ADARB1: variants seen among roughly 807,000 people sequenced by gnomAD.
The protein encoded by ADARB1 is double-stranded RNA-specific editase 1.
ADARB1 carries 10 observed loss-of-function variants against 52.4 expected under a neutral mutation model. The ratio of observed to expected loss-of-function variants is 0.19; its 90% CI spans 0.12 to 0.32. ADARB1 has a LOEUF of 0.32. Ranked by LOEUF, ADARB1 falls within the 10% of genes least tolerant of loss-of-function variation. ADARB1 has a pLI of 1.00. For missense variants in ADARB1, 643 were observed against 922.3 expected, an observed-to-expected ratio of 0.70 and a Z score of 3.92; for synonymous variants, 349 against 371.1, an observed-to-expected ratio of 0.94 and a Z score of 0.68.
At chr21:45,075,332 C>CGG (rs1444246161) in intron 1 of ADARB1, among the ~76,000 whole-genome samples, 1 of 150,872 alleles carries the variant, frequency 6.6e-6, no homozygotes, top group Non-Finnish European at 1.5e-5. Flanking sequence ...GACGCTGCGC[C>CGG]GGGGGACGGC....
chr21:45,113,358 G>A (rs2087638716), intron 1 of ADARB1, among the ~76,000 whole-genome samples: 1 of 152,106 alleles, frequency 6.6e-6, no homozygotes, highest in South Asian at 2.1e-4. Context: ...AGGAGGTGGA[G>A]GTTGCAGTGA....
At chr21:45,146,688 G>A (rs185178674) in intron 2 of ADARB1, among the ~76,000 whole-genome samples, 4 of 152,354 alleles carry the variant, frequency 2.6e-5, no homozygotes, top group African/African-American at 9.6e-5. Context: ...GAAAACGTGA[G>A]TGTGTCCAGC....
intron 1 of ADARB1, among the ~76,000 whole-genome samples, chr21:45,104,134 C>T (rs944570441): frequency 6.6e-6 from 1 of 152,200 alleles, no homozygotes; most frequent in Non-Finnish European, 1.5e-5. Context: ...TTCCCTTCAG[C>T]GGGGTAGGCC....
At chr21:45,202,934 C>T (rs1312728735) in intron 8 of ADARB1, among the ~76,000 whole-genome samples, 4 of 149,268 alleles carry the variant, frequency 2.7e-5, no homozygotes, top group Non-Finnish European at 4.5e-5. Context: ...CCCTGCAGCG[C>T]GTGCCACACT....
At chr21:45,108,990 CT>C (rs1204147497) in intron 1 of ADARB1, among the ~76,000 whole-genome samples, 1 of 152,224 alleles carries the variant, frequency 6.6e-6, no homozygotes, top group Non-Finnish European at 1.5e-5. Context: ...TAGGACTCTA[CT>C]TTTGGGGCTG....
At chr21:45,111,166 A>G (rs1001214221) in intron 1 of ADARB1, among the ~76,000 whole-genome samples, 8 of 152,160 alleles carry the variant, frequency 5.3e-5, no homozygotes, top group Non-Finnish European at 1.2e-4. Flanking sequence ...CAGTCCCTGA[A>G]GGCTTCCTCA....
In ADARB1 at chr21:45,225,667, G is replaced by C; in HGVS notation, c.*3470G>C. ...ATGTCTCAAAACAAACACATGTACA[G>C]TGGCTCTTTTTCCTTCTCAAACACT... On this transcript the variant is annotated 3_prime_UTR_variant, in exon 11 of 11. Transcript: ENST00000348831. 2.0e-6 allele frequency: 2 copies of C among 1,008,880 alleles called. No individual in the cohort carries two copies. Among genetic ancestry groups the C allele is most frequent in the Non-Finnish European group, 2.7e-6 (2 of 748,658 alleles). 62.5% of individuals were successfully genotyped at this position (1,008,880 alleles called of 1,614,324 possible).
chr21:45,206,265 A>G (rs749534714), intron 9 of ADARB1, among the ~76,000 whole-genome samples: 17 of 152,250 alleles, frequency 1.1e-4, no homozygotes, highest in Non-Finnish European at 2.5e-4. Flanking sequence ...AATATGGGAC[A>G]CATAGGTGAT....
chr21:45,157,361 T>TC lies in ADARB1; in HGVS notation c.-47-14246dup, dbSNP rs530127232. On this transcript the variant is annotated intron_variant, in intron 2 of 10. Coordinates refer to ENST00000348831, the MANE Select transcript of ADARB1 (RefSeq NM_001112.4). This position sits in a 1 kb window ranked among gnomAD's most constrained non-coding sequence, Gnocchi z 4.1. Reference sequence around the variant, plus strand: ...AAAGTTTACATCGTTGTCTTTTTTTTCCCTTTGATTCCAGAAAATTAACTA... The same window carrying TC: ...AAAGTTTACATCGTTGTCTTTTTTTTCCCCTTTGATTCCAGAAAATTAACTA... Among the ~76,000 whole-genome samples, 72 of 152,242 alleles carry TC rather than the reference T, an allele frequency of 4.7e-4. No individual in the cohort carries two copies. Among genetic ancestry groups the TC allele is most frequent in the African/African-American group, 1.7e-3 (69 of 41,478 alleles).
intron 9 of ADARB1, among the ~76,000 whole-genome samples, chr21:45,207,466 G>A (rs781075388): frequency 4.4e-4 from 67 of 152,204 alleles, no homozygotes; most frequent in Non-Finnish European, 8.5e-4. Context: ...GTAATGCTGT[G>A]GGTGTTACTG....
rs532382087 is a variant in ADARB1, at chr21:45,172,695, T to C, written c.28+1011T>C. ...GCTCTATGGACTGTGTGCTAAGTGT[T>C]GGCTTTGGTTGAAGTCAGCCATCTG... is the stretch of plus-strand genomic sequence containing the variant. On this transcript the variant is annotated intron_variant, in intron 3 of 10. Transcript: ENST00000348831. The surrounding 1 kb of genome is among the most constrained non-coding windows in gnomAD (Gnocchi z 4.4). 3.8e-4 allele frequency among the ~76,000 whole-genome samples: 58 copies of C among 152,334 alleles called. No individual in the cohort carries two copies. The highest frequency in any genetic ancestry group is 1.3e-3 in the African/African-American group (53 of 41,562).
intron 1 of ADARB1, among the ~76,000 whole-genome samples, chr21:45,113,240 T>G (rs148216966): frequency 0.066 from 9,972 of 152,010 alleles, 392 homozygotes; most frequent in East Asian, 0.15. Flanking sequence ...CTGGCCAACA[T>G]GGTGAAACCC....
chr21:45,224,311 T>G lies in ADARB1; in HGVS notation c.*2114T>G, dbSNP rs1369315119. ...AGCTAAAGTCAGCATGATTGCTCCC[T>G]GTACCACCCCAAATAAGTGAGTGCC... On this transcript the variant is annotated 3_prime_UTR_variant, in exon 11 of 11. Transcript: ENST00000348831. 1.0e-6 allele frequency: 1 copy of G among 985,412 alleles called. No homozygotes were observed. Among genetic ancestry groups the G allele is most frequent in the African/African-American group, 1.7e-5 (1 of 57,262 alleles). 61.0% of individuals were successfully genotyped at this position (985,412 alleles called of 1,614,324 possible). A position where few individuals can be genotyped will look rare whatever the true frequency, so the allele number is the denominator to read the frequency against.
At chr21:45,198,240 CA>C (rs1046638636) in intron 8 of ADARB1, among the ~76,000 whole-genome samples, 2 of 152,020 alleles carry the variant, frequency 1.3e-5, no homozygotes, top group African/African-American at 4.8e-5. Flanking sequence ...TTAGAGCAGG[CA>C]GGTTGATTAA....
rs115506961 is a variant in ADARB1, at chr21:45,173,773, C to T, written c.29-1957C>T. Among the ~76,000 whole-genome samples the T allele has an allele frequency of 6.9e-3, 1,044 of 151,334 alleles. 17 individuals carry two copies. Among genetic ancestry groups the T allele is most frequent in the African/African-American group, 0.024 (994 of 41,138 alleles). The stretch of plus-strand genomic sequence containing the variant: ...TTGAGCACCGAAAGGAGTAACCTAT[C>T]GAGCTTTTGCTGGAGGATGTTATAA... On this transcript the variant is annotated intron_variant, in intron 3 of 10. Coordinates refer to ENST00000348831, the MANE Select transcript of ADARB1 (RefSeq NM_001112.4).
chr21:45,223,702 G>A lies in ADARB1; in HGVS notation c.*1505G>A, dbSNP rs2093005204. ...TGATGAGCCTAGGAAACCAGAGCAG[G>A]GGCAGAGGGGCGTCATCCTCCCACC... On this transcript the variant is annotated 3_prime_UTR_variant, in exon 11 of 11. Coordinates refer to ENST00000348831, the MANE Select transcript of ADARB1 (RefSeq NM_001112.4). 2 of 985,416 alleles carry A rather than the reference G, an allele frequency of 2.0e-6. No homozygotes were observed. The highest frequency in any genetic ancestry group is 1.1e-4 in the East Asian group (1 of 8,822). The allele number at this position is 985,416 out of a possible 1,614,324, so 61.0% of individuals were successfully genotyped here.
At chr21:45,079,113 C>T (rs1050562886) in intron 1 of ADARB1, among the ~76,000 whole-genome samples, 4 of 152,154 alleles carry the variant, frequency 2.6e-5, no homozygotes, top group African/African-American at 9.7e-5. Context: ...TGTACCGGCA[C>T]CTCAGACCAG....
intron 1 of ADARB1, among the ~76,000 whole-genome samples, chr21:45,095,744 T>C (rs1365200132): frequency 6.6e-6 from 1 of 152,180 alleles, no homozygotes; most frequent in African/African-American, 2.4e-5. Flanking sequence ...GGAAACCCAG[T>C]GTCTCTCATT....
At chr21:45,112,034 G>A (rs1601395393) in intron 1 of ADARB1, among the ~76,000 whole-genome samples, 1 of 152,196 alleles carries the variant, frequency 6.6e-6, no homozygotes, top group Non-Finnish European at 1.5e-5. Flanking sequence ...TTCTGGGCAG[G>A]TGTGTGTGGT....
Sources: allele counts gnomAD v4.1 joint callset (sites outside exome capture counted in the v4.1 genomes callset), GRCh38; gene constraint gnomAD v4.1.1; non-coding constraint Gnocchi (gnomAD v3.1); transcripts MANE v1.5; gene names NCBI Gene and HGNC (gene_info 2026-07-23, HGNC 2026-07-21).